Variants in DNAH7 observed in about 807,000 individuals in gnomAD.
DNAH7 encodes the protein axonemal beta dynein heavy chain 7.
A neutral mutation model predicts 444.6 loss-of-function variants in DNAH7; 397 were observed. That is an observed-to-expected ratio of 0.89 (90% CI 0.82 to 0.97). The LOEUF (loss-of-function observed/expected upper bound fraction) is 0.97, where lower values mean the gene tolerates loss of function less well. Ranked by LOEUF, DNAH7 falls within the 50% of genes least tolerant of loss-of-function variation. The pLI, the probability that DNAH7 is intolerant of heterozygous loss-of-function variation, is 0.00. For missense variants in DNAH7, 4,902 were observed against 4,800.8 expected (o/e 1.02, Z -0.62); for synonymous variants, 1,636 against 1,624.4 (o/e 1.01, Z -0.17).
At chr2:195,997,995 G>A (rs945989862) in intron 12 of DNAH7, among the ~76,000 whole-genome samples, 3 of 152,068 alleles carry the variant, frequency 2.0e-5, no homozygotes, top group Non-Finnish European at 2.9e-5. Context: ...CTCATGTAAC[G>A]AACTTACACA....
At chr2:195,786,203 TAA>T (rs1386226529) in intron 58 of DNAH7, among the ~76,000 whole-genome samples, 2 of 152,240 alleles carry the variant, frequency 1.3e-5, no homozygotes, top group Non-Finnish European at 2.9e-5. Context: ...TAAGCCTCTT[TAA>T]AAAGTCATAA....
rs1230563836 is a variant in DNAH7 at position 195,881,821 on chromosome 2, C to G, written c.5935G>C (p.Gly1979Arg). ...GTAATGTAAACACTTTTCCCAGTTCCTGTTGGTCCTACAAATATTGAAGGC... is the reference window on the plus strand; with the variant it reads ...GTAATGTAAACACTTTTCCCAGTTCGTGTTGGTCCTACAAATATTGAAGGC... ...QKPSIFVGPTGTGKSVYITNF... is the reference protein window; with the variant it reads ...QKPSIFVGPTRTGKSVYITNF... The change falls in exon 36 of 65, where the codon GGA becomes CGA. Residue 1979 changes from glycine to arginine, a missense_variant. Coordinates refer to ENST00000312428, the MANE Select transcript of DNAH7 (RefSeq NM_018897.3). The G allele has an allele frequency of 6.2e-7, 1 of 1,614,020 alleles. No individual in the cohort carries two copies. The highest frequency in any genetic ancestry group is 8.5e-7 in the Non-Finnish European group (1 of 1,179,918).
chr2:195,861,605 C>G (rs1464307137), intron 42 of DNAH7, 112 bp downstream of exon 42: 2 of 773,188 alleles, frequency 2.6e-6, no homozygotes, highest in Admixed American at 2.9e-5. Flanking sequence ...TGTAACAAAA[C>G]TTACAGTATA....
intron 40 of DNAH7, among the ~76,000 whole-genome samples, chr2:195,869,267 A>G (rs1700536179): frequency 6.7e-6 from 1 of 148,264 alleles, no homozygotes; most frequent in Non-Finnish European, 1.5e-5. Flanking sequence ...CTGTGGTTCC[A>G]CCCCAGTGCA....
At chr2:195,909,928 C>A (rs1231464045) in intron 25 of DNAH7, 99 bp downstream of exon 25, 2 of 1,224,380 alleles carry the variant, frequency 1.6e-6, no homozygotes, top group South Asian at 1.7e-5. Context: ...TTTACTTAAG[C>A]TACAGTAAAT....
At chr2:195,778,409 G>T (rs527524769) in intron 58 of DNAH7, among the ~76,000 whole-genome samples, 3 of 150,562 alleles carry the variant, frequency 2.0e-5, no homozygotes, top group African/African-American at 7.4e-5. Flanking sequence ...AGGCCAAGGC[G>T]AGAGAATCAC....
intron 58 of DNAH7, among the ~76,000 whole-genome samples, chr2:195,783,398 C>T (rs1027649201): frequency 2.0e-5 from 3 of 152,174 alleles, no homozygotes; most frequent in East Asian, 1.9e-4. Context: ...GCAGGCCACA[C>T]TCTCTCTCAA....
chr2:196,041,439 G>T (rs1346278419), intron 5 of DNAH7, among the ~76,000 whole-genome samples: 1 of 151,896 alleles, frequency 6.6e-6, no homozygotes, highest in Non-Finnish European at 1.5e-5. Flanking sequence ...TTTGACAAAG[G>T]TGCCAAAAAC....
At chr2:195,841,228 TTCTCTCTCTCTG>T (rs1382502588) in intron 47 of DNAH7, among the ~76,000 whole-genome samples, 1 of 151,272 alleles carries the variant, frequency 6.6e-6, no homozygotes, top group Non-Finnish European at 1.5e-5. Context: ...CTCTTTCTCT[TTCTCTCTCTCTG>T]TCTCTCTCTC....
intron 31 of DNAH7, among the ~76,000 whole-genome samples, chr2:195,889,316 T>C (rs1425092052): frequency 6.6e-6 from 1 of 151,822 alleles, no homozygotes; most frequent in African/African-American, 2.4e-5. Context: ...TCTTTCTTTT[T>C]CTTTCTTTTC....
Position 195,891,582 on chromosome 2 carries a change from A to C in DNAH7, c.5046+73T>G. 3 of 1,361,326 alleles carry C rather than the reference A, an allele frequency of 2.2e-6. 1 individual carries two copies. In the South Asian group the frequency reaches 6.0e-5, roughly 27 times the overall value. 84.3% of individuals were successfully genotyped at this position (1,361,326 alleles called of 1,614,324 possible). Reference sequence around the variant, plus strand: ...ATAGATACAATTAGTTTGTTTGAAAAAAAAATCAGAAATTGGTCAGAAATA... The same window carrying C: ...ATAGATACAATTAGTTTGTTTGAAACAAAAATCAGAAATTGGTCAGAAATA... On this transcript the variant is annotated intron_variant, in intron 31 of 64. Transcript: ENST00000312428.
chr2:195,916,825 C>T (rs928256809), intron 24 of DNAH7, among the ~76,000 whole-genome samples: 4 of 151,398 alleles, frequency 2.6e-5, no homozygotes, highest in South Asian at 2.1e-4. Context: ...GTCAGCCGGG[C>T]GTGGTGGCTC....
Position 195,921,647 on chromosome 2 carries a change from A to C in DNAH7, c.3935+441T>G, listed in dbSNP as rs1204445306. On this transcript the variant is annotated intron_variant, in intron 24 of 64. Coordinates refer to ENST00000312428, the MANE Select transcript of DNAH7 (RefSeq NM_018897.3). ...AGACTACACATTGGGTACAGTGGACATTGCTCAGGTGATGGGTGCACCAAA... is the reference window on the plus strand; with the variant it reads ...AGACTACACATTGGGTACAGTGGACCTTGCTCAGGTGATGGGTGCACCAAA... Among the ~76,000 whole-genome samples, 7 of 151,890 alleles carry C rather than the reference A, an allele frequency of 4.6e-5. No individual in the cohort carries two copies. In the East Asian group the frequency reaches 1.3e-3, roughly 29 times the overall value.
At chr2:195,928,950 A>G (rs1409900006) in intron 21 of DNAH7, among the ~76,000 whole-genome samples, 2 of 152,172 alleles carry the variant, frequency 1.3e-5, no homozygotes, top group Admixed American at 6.6e-5. Context: ...TTCACTGGCA[A>G]TATGATTCTA....
chr2:195,914,296 G>A (rs1249588355), intron 24 of DNAH7, among the ~76,000 whole-genome samples: 2 of 152,194 alleles, frequency 1.3e-5, no homozygotes, highest in African/African-American at 4.8e-5. Flanking sequence ...ATTGATAGGT[G>A]AAATTTAAGA....
Position 195,787,056 on chromosome 2 carries a change from A to T in DNAH7, c.10832T>A (p.Leu3611Gln). The T allele has an allele frequency of 1.2e-6, 2 of 1,609,916 alleles. No homozygotes were observed. The highest frequency in any genetic ancestry group is 1.7e-4 in the Middle Eastern group (1 of 6,040). Residue 3611 changes from leucine (L) to glutamine (Q), a missense_variant, in exon 58 of 65, where the codon CTG becomes CAG. Coordinates refer to ENST00000312428, the MANE Select transcript of DNAH7 (RefSeq NM_018897.3). ...NIPYEFNETDLRISVQQLHMF... is the reference protein window; with the variant it reads ...NIPYEFNETDQRISVQQLHMF... ...GTGGAGCTGCTGTACGCTGATTCTCAGATCTGTCTCATTGAACTCATAAGG... is the reference window on the plus strand; with the variant it reads ...GTGGAGCTGCTGTACGCTGATTCTCTGATCTGTCTCATTGAACTCATAAGG...
chr2:195,922,686 A>G (rs923840140), intron 23 of DNAH7, among the ~76,000 whole-genome samples: 2 of 152,004 alleles, frequency 1.3e-5, no homozygotes, highest in Non-Finnish European at 2.9e-5. Context: ...CTTCCACAAA[A>G]GCCTATATGA....
chr2:195,994,339 G>A (rs1269484994), intron 12 of DNAH7: 1 of 619,724 alleles, frequency 1.6e-6, no homozygotes, highest in Non-Finnish European at 2.8e-6. Context: ...CCAAGGCTCA[G>A]GAGACAGTCC....
intron 46 of DNAH7, among the ~76,000 whole-genome samples, chr2:195,852,394 T>C (rs956642560): frequency 1.3e-5 from 2 of 152,138 alleles, no homozygotes; most frequent in Non-Finnish European, 2.9e-5. Context: ...TAAAGCCCTA[T>C]ACAAAGGGGA....
Sources: gnomAD v4.1 joint callset for allele counts (sites outside exome capture counted in the v4.1 genomes callset) on GRCh38, gnomAD v4.1.1 for gene constraint, MANE v1.5 for transcripts, NCBI Gene and HGNC (gene_info 2026-07-23, HGNC 2026-07-21) for gene names.